The following RANBP2 variants were observed in gnomAD, a reference collection of about 807,000 sequenced individuals.
RANBP2 encodes E3 SUMO-protein ligase RanBP2.
RANBP2 carries 57 observed loss-of-function variants against 303.6 expected under a neutral mutation model. The ratio of observed to expected loss-of-function variants is 0.19; its 90% CI spans 0.15 to 0.23. The LOEUF (loss-of-function observed/expected upper bound fraction) is 0.23. Ranked by LOEUF, RANBP2 falls within the 10% of genes least tolerant of loss-of-function variation. The pLI, the probability that RANBP2 is intolerant of heterozygous loss-of-function variation, is 1.00. For synonymous variants in RANBP2, 1,167 were observed against 1,301.5 expected (o/e 0.90, Z 2.23); for missense variants, 3,138 against 3,780.8 (o/e 0.83, Z 4.46).
chr2:108,894,874 G>GT, the RANBP2 span: 2 of 152,202 alleles, frequency 1.3e-5, no homozygotes, highest in Non-Finnish European at 2.9e-5. Flanking sequence ...TTCTAATAGT[G>GT]TGAAATGAGG....
the RANBP2 span, among the ~76,000 whole-genome samples, chr2:108,845,429 A>G: frequency 6.6e-6 from 1 of 152,146 alleles, no homozygotes; most frequent in Non-Finnish European, 1.5e-5. Flanking sequence ...ACAAATTTTC[A>G]TGCAGATAGG....
the RANBP2 span, among the ~76,000 whole-genome samples, chr2:108,809,230 A>G: frequency 6.6e-6 from 1 of 152,118 alleles, no homozygotes; most frequent in South Asian, 2.1e-4. Flanking sequence ...TTTGTAGTAT[A>G]TTTTGAGTTT....
the RANBP2 span, among the ~76,000 whole-genome samples, chr2:109,636,124 TGAACCTGCTG>T: frequency 6.6e-6 from 1 of 152,182 alleles, no homozygotes; most frequent in Admixed American, 6.5e-5. Flanking sequence ...TACCAGACAC[TGAACCTGCTG>T]GCACCTTGAT....
chr2:109,674,738 G>T, the RANBP2 span, among the ~76,000 whole-genome samples: 1 of 152,138 alleles, frequency 6.6e-6, no homozygotes, highest in South Asian at 2.1e-4. Context: ...TATGAATAAG[G>T]AAATTGACAT....
chr2:108,758,367 T>A, intron 17 of RANBP2, 46 bp from the exon 18 acceptor site: 1 of 1,609,974 alleles, frequency 6.2e-7, no homozygotes, highest in Non-Finnish European at 8.5e-7. Flanking sequence ...TCTGTCATGA[T>A]ATAATTAAAT....
the RANBP2 span, among the ~76,000 whole-genome samples, chr2:109,010,363 GC>G: frequency 1.7e-5 from 2 of 119,690 alleles, no homozygotes; most frequent in Non-Finnish European, 3.2e-5. Context: ...TTCCCATCCT[GC>G]TTTCTCCCCA....
chr2:109,364,469 A>C, the RANBP2 span, among the ~76,000 whole-genome samples: 1 of 152,154 alleles, frequency 6.6e-6, no homozygotes, highest in African/African-American at 2.4e-5. Flanking sequence ...CCACATCTCA[A>C]TCTGGTTCTG....
At chr2:109,062,213 C>A in the RANBP2 span, among the ~76,000 whole-genome samples, 1 of 152,222 alleles carries the variant, frequency 6.6e-6, no homozygotes, top group Non-Finnish European at 1.5e-5. Flanking sequence ...CCCCTGACTT[C>A]CCTCCTCTGA....
the RANBP2 span, among the ~76,000 whole-genome samples, chr2:109,434,185 C>G: frequency 1.3e-5 from 2 of 152,236 alleles, no homozygotes; most frequent in Non-Finnish European, 2.9e-5. Context: ...AGCTGGCACC[C>G]TCCAGGAAGG....
the RANBP2 span, among the ~76,000 whole-genome samples, chr2:109,031,893 C>T: frequency 7.5e-6 from 1 of 133,470 alleles, no homozygotes; most frequent in Non-Finnish European, 1.6e-5. Context: ...CTACCACCCA[C>T]CCCCCGCCAC....
At chr2:108,937,440 TG>T in the RANBP2 span, among the ~76,000 whole-genome samples, 2,224 of 152,220 alleles carry the variant, frequency 0.015, 25 homozygotes, top group South Asian at 0.03. Flanking sequence ...GTATTGTATA[TG>T]TGAGGATGTG....
At chr2:109,701,904 C>T in the RANBP2 span, among the ~76,000 whole-genome samples, 1 of 152,200 alleles carries the variant, frequency 6.6e-6, no homozygotes, top group African/African-American at 2.4e-5. Context: ...GCTTCTGATT[C>T]TTTTGTCTCC....
chr2:109,080,663 A>G, the RANBP2 span, among the ~76,000 whole-genome samples: 1 of 152,110 alleles, frequency 6.6e-6, no homozygotes, highest in Admixed American at 6.6e-5. Context: ...GGTATATTTT[A>G]TCATTTCTTT....
At chr2:108,976,914 A>T in the RANBP2 span, among the ~76,000 whole-genome samples, 1 of 152,098 alleles carries the variant, frequency 6.6e-6, no homozygotes, top group African/African-American at 2.4e-5. Context: ...CACTTCTCCA[A>T]GGAGTCCTGG....
chr2:109,618,525 A>G, the RANBP2 span: 22 of 167,138 alleles, frequency 1.3e-4, no homozygotes, highest in African/African-American at 5.3e-4. Flanking sequence ...TCCTGAGGAG[A>G]ACTACTTCTA....
At chr2:109,382,809 C>T in the RANBP2 span, among the ~76,000 whole-genome samples, 1 of 152,234 alleles carries the variant, frequency 6.6e-6, no homozygotes, top group Non-Finnish European at 1.5e-5. Context: ...CCCCAATGTT[C>T]TCTGCTTTCA....
chr2:108,771,769 C>T lies in RANBP2; in HGVS notation c.7918C>T (p.Pro2640Ser), dbSNP rs762433464. ...DDVLIVYELT[P>S]TAEQKALATK... ...TGTTCTCATTGTATATGAACTAACT[C>T]CAACCGCTGAGCAGAAAGCCCTTGC... The change falls in exon 21 of 29, where the codon CCA (proline) becomes TCA (serine). Residue 2640 changes from proline (P) to serine (S), a missense_variant. Pro to Ser is a moderately conservative substitution (Grantham distance 74). Coordinates refer to ENST00000283195, the MANE Select transcript of RANBP2 (RefSeq NM_006267.5). The T allele has an allele frequency of 1.2e-6, 2 of 1,613,842 alleles. No homozygotes were observed.
At chr2:108,871,597 C>T in the RANBP2 span, among the ~76,000 whole-genome samples, 3 of 151,932 alleles carry the variant, frequency 2.0e-5, no homozygotes, top group Non-Finnish European at 2.9e-5. Context: ...AGATAAAAAA[C>T]ATTGTCCCAT....
At chr2:109,247,152 T>G in the RANBP2 span, among the ~76,000 whole-genome samples, 3 of 152,256 alleles carry the variant, frequency 2.0e-5, no homozygotes, top group East Asian at 5.8e-4. Context: ...ACATGAAACA[T>G]GGAGTTTGGG....
Sources: allele counts gnomAD v4.1 joint callset (sites outside exome capture counted in the v4.1 genomes callset), GRCh38; gene constraint gnomAD v4.1.1; transcripts MANE v1.5; gene names NCBI Gene and HGNC (gene_info 2026-07-23, HGNC 2026-07-21).